KIF6: variants seen among roughly 807,000 people sequenced by gnomAD.
The protein encoded by KIF6 is kinesin-like protein KIF6.
Under a neutral mutation model 112.7 loss-of-function variants are expected in KIF6, and 106 were observed. That is an observed-to-expected ratio of 0.94 (90% confidence interval 0.80 to 1.11). The LOEUF is 1.11. Among genes scored for constraint, KIF6 ranks in the 50% least tolerant of loss-of-function variants. The pLI is 0.00. For synonymous variants in KIF6, 339 were observed against 339.9 expected, an observed-to-expected ratio of 1.00 and a Z score of 0.03; for missense variants, 929 against 964.0, an observed-to-expected ratio of 0.96 and a Z score of 0.48.
At chr6:39,549,374 C>T (rs1358242940) in intron 10 of KIF6, among the ~76,000 whole-genome samples, 1 of 152,168 alleles carries the variant, frequency 6.6e-6, no homozygotes, top group Non-Finnish European at 1.5e-5. Flanking sequence ...GTGCTATTTG[C>T]ATATATCATT....
chr6:39,570,075 T>C (rs1006813309), intron 10 of KIF6, among the ~76,000 whole-genome samples: 1 of 152,268 alleles, frequency 6.6e-6, no homozygotes, highest in Non-Finnish European at 1.5e-5. Flanking sequence ...ATATGTTCTT[T>C]TGAAACAAAT....
In KIF6 at chr6:39,714,432, A is replaced by G. The variant is rs532708019; in HGVS notation, c.251+260T>C. On this transcript the variant is annotated intron_variant, in intron 3 of 22. Transcript: ENST00000287152. The stretch of plus-strand genomic sequence containing the variant: ...GTGTCACTTAATTTCTGTGACCCTC[A>G]GTTTATATATCTTTACAAATAGGAG... 3.3e-5 allele frequency among the ~76,000 whole-genome samples: 5 copies of G among 152,298 alleles called. No individual in the cohort carries two copies. In the South Asian group the frequency reaches 1.0e-3, roughly 32 times the overall value.
Position 39,540,210 on chromosome 6 carries a change from T to C in KIF6, c.1438A>G (p.Asn480Asp). Residue 480 changes from asparagine to aspartate, a missense_variant, in exon 13 of 23, where the codon AAC (asparagine) becomes GAC (aspartate). By Grantham distance (23) the Asn-to-Asp change is conservative (BLOSUM62 1). Around this residue, in one of 2 missense-constraint regions of KIF6, gnomAD observed 688 missense variants for 662.7 expected, o/e 1.04. Transcript: ENST00000287152. ...TTCTTCTTTTCTTTTTTTAACATGT[T>C]GACCAGGATATCTGAAACTTGACTT... ...QRDNEINILV[N>D]MLKKEKKKAQ... is the part of the protein sequence containing the mutation. 6.2e-7 allele frequency: 1 copy of C among 1,605,616 alleles called. No individual in the cohort carries two copies. The highest frequency in any genetic ancestry group is 8.5e-7 in the Non-Finnish European group (1 of 1,176,884).
intron 13 of KIF6, among the ~76,000 whole-genome samples, chr6:39,527,914 G>A (rs553798823): frequency 2.6e-5 from 4 of 152,082 alleles, no homozygotes; most frequent in Non-Finnish European, 5.9e-5. Context: ...ATTCAATGTG[G>A]AATAATTAAA....
At chr6:39,475,641 CCTGA>C (rs777644745) in intron 13 of KIF6, among the ~76,000 whole-genome samples, 1 of 152,132 alleles carries the variant, frequency 6.6e-6, no homozygotes, top group South Asian at 2.1e-4. Flanking sequence ...GGCTGTTGCT[CCTGA>C]CTCAGTCCCA....
intron 16 of KIF6, among the ~76,000 whole-genome samples, chr6:39,376,108 A>G (rs1766422073): frequency 6.6e-6 from 1 of 152,236 alleles, no homozygotes; most frequent in Non-Finnish European, 1.5e-5. Context: ...GTGGATTAGA[A>G]TTAAGTGGTG....
intron 14 of KIF6, among the ~76,000 whole-genome samples, chr6:39,425,104 A>G (rs1054315727): frequency 6.6e-6 from 1 of 152,116 alleles, no homozygotes; most frequent in African/African-American, 2.4e-5. Flanking sequence ...CCATGGGCCA[A>G]AGAGAGGGGC....
chr6:39,521,515 T>G (rs1318462087), intron 13 of KIF6, among the ~76,000 whole-genome samples: 1 of 152,212 alleles, frequency 6.6e-6, no homozygotes, highest in East Asian at 1.9e-4. Flanking sequence ...CTAGGAGAGC[T>G]GCTGCAGCTT....
Position 39,342,754 on chromosome 6 carries a change from A to G in KIF6, c.2428+955T>C. ...GTCCTGGTGGTGAAGAGAGGATAGT[A>G]AATAAGCAGGCTGGCGGCCAAGCAA... On this transcript the variant is annotated intron_variant, in intron 22 of 22. Transcript: ENST00000287152. The surrounding 1 kb of genome is among the most constrained non-coding windows in gnomAD (Gnocchi z 4.7). 1 of 982,202 alleles carries G rather than the reference A, an allele frequency of 1.0e-6. No individual in the cohort carries two copies. Among genetic ancestry groups the G allele is most frequent in the South Asian group, 4.7e-5 (1 of 21,228 alleles). 60.8% of individuals were successfully genotyped at this position (982,202 alleles called of 1,614,324 possible). A position where few individuals can be genotyped will look rare whatever the true frequency, so the allele number is the denominator to read the frequency against.
At chr6:39,653,371 C>T (rs111498187) in intron 3 of KIF6, among the ~76,000 whole-genome samples, 236 of 152,220 alleles carry the variant, frequency 1.6e-3, no homozygotes, top group African/African-American at 5.5e-3. Context: ...TTATCATCAA[C>T]ATGTTTACAA....
At chr6:39,452,490 C>A (rs1236010227) in intron 13 of KIF6, among the ~76,000 whole-genome samples, 1 of 152,160 alleles carries the variant, frequency 6.6e-6, no homozygotes, top group Non-Finnish European at 1.5e-5. Flanking sequence ...ATAAAGAATG[C>A]AAGAGTGGGT....
chr6:39,389,939 G>A (rs1238671687), intron 15 of KIF6, among the ~76,000 whole-genome samples: 1 of 150,006 alleles, frequency 6.7e-6, no homozygotes, highest in Non-Finnish European at 1.5e-5. Context: ...ACTGAGGCAG[G>A]AGAATCACTT....
chr6:39,363,259 A>G (rs1298315788), intron 16 of KIF6, among the ~76,000 whole-genome samples: 1 of 152,192 alleles, frequency 6.6e-6, no homozygotes, highest in Non-Finnish European at 1.5e-5. Flanking sequence ...GAGGTGCTTA[A>G]TTTCCAGCCT....
chr6:39,692,501 T>C (rs1788275770), intron 3 of KIF6, among the ~76,000 whole-genome samples: 1 of 152,192 alleles, frequency 6.6e-6, no homozygotes, highest in African/African-American at 2.4e-5. Context: ...ATAATAGATA[T>C]TCAGAATCAC....
intron 13 of KIF6, among the ~76,000 whole-genome samples, chr6:39,455,830 A>G (rs1436184000): frequency 6.8e-6 from 1 of 147,312 alleles, no homozygotes. Flanking sequence ...AAAAAGAATA[A>G]AAAGAAATGA....
chr6:39,678,708 A>G (rs150808939), intron 3 of KIF6, among the ~76,000 whole-genome samples: 9 of 152,362 alleles, frequency 5.9e-5, no homozygotes, highest in African/African-American at 1.9e-4. Context: ...GACCTATATT[A>G]GACCCCCTCA....
chr6:39,487,314 C>A (rs1371000090), intron 13 of KIF6, among the ~76,000 whole-genome samples: 3 of 152,140 alleles, frequency 2.0e-5, no homozygotes, highest in Non-Finnish European at 4.4e-5. Context: ...TGCTGCTGGC[C>A]CACAGATGTC....
At chr6:39,535,532 A>G (rs1778367677) in intron 13 of KIF6, among the ~76,000 whole-genome samples, 1 of 152,252 alleles carries the variant, frequency 6.6e-6, no homozygotes, top group African/African-American at 2.4e-5. Flanking sequence ...ATATATATGC[A>G]ACCAATACAG....
chr6:39,717,997 C>T (rs557321072), intron 2 of KIF6, among the ~76,000 whole-genome samples: 10 of 150,708 alleles, frequency 6.6e-5, no homozygotes, highest in South Asian at 2.1e-4. Context: ...GAGGCCGAGG[C>T]GGGCAGATCA....
Sources: gnomAD v4.1 joint callset for allele counts (sites outside exome capture counted in the v4.1 genomes callset) on GRCh38, gnomAD v4.1.1 for gene constraint, gnomAD v4.1.1 regional missense constraint, Gnocchi (gnomAD v3.1) non-coding constraint, MANE v1.5 for transcripts, NCBI Gene and HGNC (gene_info 2026-07-23, HGNC 2026-07-21) for gene names.